CMTR2: variants seen among roughly 807,000 people sequenced by gnomAD.
CMTR2 encodes the protein cap-specific mRNA (nucleoside-2'-O-)-methyltransferase 2.
CMTR2 carries 40 observed loss-of-function variants against 49.8 expected under a neutral mutation model. The observed-to-expected ratio is 0.80, with a 90% CI of 0.62 to 1.04. CMTR2 has a LOEUF of 1.04. Among genes scored for constraint, CMTR2 ranks in the 50% least tolerant of loss-of-function variants. The pLI is 0.00. For missense variants in CMTR2, 907 were observed against 897.2 expected, an observed-to-expected ratio of 1.01 and a Z score of -0.14; for synonymous variants, 326 against 315.8, an observed-to-expected ratio of 1.03 and a Z score of -0.34.
intron 2 of CMTR2, chr16:71,286,887 T>C (rs2041736110): frequency 6.6e-6 from 1 of 152,048 alleles, no homozygotes; most frequent in Admixed American, 6.6e-5. Flanking sequence ...AAATTACAAA[T>C]AGTCACTCTA....
rs754811555 is a variant in CMTR2, at chr16:71,284,154, A to G, written c.1767T>C (p.Arg589=). 4.3e-6 allele frequency: 7 copies of G among 1,613,990 alleles called. No individual in the cohort carries two copies. Among genetic ancestry groups the G allele is most frequent in the South Asian group, 2.2e-5 (2 of 91,074 alleles). Residue 589 remains arginine (R), a synonymous_variant, in exon 3 of 3, where the codon CGT becomes CGC. Transcript: ENST00000434935. ...CCAACGGTATATGCATTTTGATATTACGGAGAGTCGAAAAGCCCACCAGCA... is the reference window on the plus strand; with the variant it reads ...CCAACGGTATATGCATTTTGATATTGCGGAGAGTCGAAAAGCCCACCAGCA... The part of the protein sequence containing the change: ...KCLLVGFSTL[R]NIKMHIPLEV...
At chr16:71,286,445 GT>G (rs59928825) in intron 2 of CMTR2, 5,138 of 78,368 alleles carry the variant, frequency 0.066, 268 homozygotes, top group African/African-American at 0.15. Context: ...GTGACTTTTC[GT>G]TTTTTTTTTT....
chr16:71,284,809 T>C lies in CMTR2; in HGVS notation c.1112A>G (p.Gln371Arg). The C allele has an allele frequency of 8.1e-6, 13 of 1,613,828 alleles. No homozygotes were observed. The highest frequency in any genetic ancestry group is 2.2e-5 in the East Asian group (1 of 44,872). ...EECCVFFHKY[Q>R]LETISENIRL... Reference sequence around the variant, plus strand: ...AATGTTTTCAGAAATAGTCTCTAGCTGATATTTATGAAAGAACACACAACA... The same window carrying C: ...AATGTTTTCAGAAATAGTCTCTAGCCGATATTTATGAAAGAACACACAACA... Residue 371 changes from glutamine (Q) to arginine (R), a missense_variant, in exon 3 of 3, where the codon CAG becomes CGG. By Grantham distance (43) the Gln-to-Arg change is conservative (BLOSUM62 1). Transcript: ENST00000434935.
At chr16:71,286,773 G>A (rs2041734354) in intron 2 of CMTR2, 1 of 151,946 alleles carries the variant, frequency 6.6e-6, no homozygotes, top group Non-Finnish European at 1.5e-5. Context: ...GGTTCAGACA[G>A]CTCCACACTT....
chr16:71,284,589 A>G lies in CMTR2; in HGVS notation c.1332T>C (p.Tyr444=), dbSNP rs139275656. 1.1e-3 allele frequency: 1,771 copies of G among 1,613,680 alleles called. 4 individuals are homozygous for G. The highest frequency in any genetic ancestry group is 1.4e-3 in the Non-Finnish European group (1,614 of 1,179,800). Residue 444 remains tyrosine, a synonymous_variant, in exon 3 of 3, where the codon TAT becomes TAC. Coordinates refer to ENST00000434935, the MANE Select transcript of CMTR2 (RefSeq NM_018348.6). ...FGQRNKYFKT[Y]NERKMLEALS... ...GGGCTTCTAGCATCTTCCTTTCATT[A>G]TAAGTTTTAAAATATTTGTTCCTCT...
In CMTR2 at chr16:71,282,192, A is replaced by C. The variant is rs1443029057; in HGVS notation, c.*1416T>G. 1 of 152,092 alleles carries C rather than the reference A, an allele frequency of 6.6e-6. No homozygotes were observed. The highest frequency in any genetic ancestry group is 1.9e-4 in the East Asian group (1 of 5,200). The allele number at this position is 152,092 out of a possible 1,614,324, so 9.4% of individuals were successfully genotyped here. ...AATTTTAATGAATGCAAATCAGAGA[A>C]AATGAAAGAACATTAACTATCATTC... On this transcript the variant is annotated 3_prime_UTR_variant, in exon 3 of 3. Coordinates refer to ENST00000434935, the MANE Select transcript of CMTR2 (RefSeq NM_018348.6).
chr16:71,283,782 G>A lies in CMTR2; in HGVS notation c.2139C>T (p.Leu713=). 1 of 1,613,982 alleles carries A rather than the reference G, an allele frequency of 6.2e-7. No homozygotes were observed. The highest frequency in any genetic ancestry group is 8.5e-7 in the Non-Finnish European group (1 of 1,179,936). ...QSVNELLSTL[L]NSDSPQQVLQ... is the part of the protein sequence containing the mutation. ...AAACCTGCTGGGGTGAGTCAGAGTT[G>A]AGCAAAGTGCTCAACAATTCATTCA... Residue 713 remains leucine, a synonymous_variant, in exon 3 of 3, where the codon CTC becomes CTT. Transcript: ENST00000434935.
Position 71,284,971 on chromosome 16 carries a change from C to A in CMTR2, c.950G>T (p.Cys317Phe), listed in dbSNP as rs2041691070. ...KAGNSEVYVV[C>F]LHYKGREAIH... is the part of the protein sequence containing the mutation. ...GGCCTCTCTCCCCTTATAGTGGAGG[C>A]AAACCACATAGACTTCGGAGTTTCC... Residue 317 changes from cysteine to phenylalanine, a missense_variant, in exon 3 of 3, where the codon TGC becomes TTC. Physicochemically the swap from Cys to Phe is radical, Grantham distance 205. Coordinates refer to ENST00000434935, the MANE Select transcript of CMTR2 (RefSeq NM_018348.6). 6.2e-7 allele frequency: 1 copy of A among 1,614,068 alleles called. No homozygotes were observed. The highest frequency in any genetic ancestry group is 8.5e-7 in the Non-Finnish European group (1 of 1,179,938).
chr16:71,289,625 G>T (rs1311343096), upstream of CMTR2: 1 of 149,666 alleles, frequency 6.7e-6, no homozygotes. Context: ...AGGGGTGAAA[G>T]GGAGAGGGAC....
Position 71,284,475 on chromosome 16 carries a change from TA to T in CMTR2, c.1445del (p.Leu482Ter). Reference protein sequence around the residue: ...GVYHPGQSSILEGTASNLECH... With the variant: ...GVYHPGQSSIXEGTASNLECH... ...ACTCAAGATTGGAAGCTGTTCCTTC[TA>T]AAATAGAACTCTGCCCAGGATGATA... On this transcript the variant is annotated frameshift_variant, in exon 3 of 3. Transcript: ENST00000434935. LOFTEE classifies it high-confidence loss of function. 6.2e-7 allele frequency: 1 copy of T among 1,614,048 alleles called. No individual in the cohort carries two copies. Among genetic ancestry groups the T allele is most frequent in the Non-Finnish European group, 8.5e-7 (1 of 1,179,960 alleles).
intron 2 of CMTR2, chr16:71,287,202 G>C (rs772513719): frequency 1.3e-5 from 2 of 152,156 alleles, no homozygotes; most frequent in Non-Finnish European, 2.9e-5. Context: ...CAGAAAAGCA[G>C]ATGTTCAAGG....
rs192272791 is a variant in CMTR2, at chr16:71,283,348, C to A, written c.*260G>T. The A allele has an allele frequency of 1.4e-3, 606 of 439,388 alleles. 5 individuals carry two copies. The highest frequency in any genetic ancestry group is 5.6e-3 in the South Asian group (144 of 25,500). The allele number at this position is 439,388 out of a possible 1,614,324, so 27.2% of individuals were successfully genotyped here. A position where few individuals can be genotyped will look rare whatever the true frequency, so the allele number is the denominator to read the frequency against. On this transcript the variant is annotated 3_prime_UTR_variant, in exon 3 of 3. Coordinates refer to ENST00000434935, the MANE Select transcript of CMTR2 (RefSeq NM_018348.6). ...ATAGGTAAGCATGGCTGTGGCCACC[C>A]ATACACATACACACACCTCATATTT...
Position 71,283,515 on chromosome 16 carries a change from AAAAT to A in CMTR2, c.*89_*92del. The stretch of plus-strand genomic sequence containing the variant: ...ATGATGCAAATGTTGGCCTTTCCCC[AAAAT>A]AAAAGGTTTTTAAATTAATAGAGCA... On this transcript the variant is annotated 3_prime_UTR_variant, in exon 3 of 3. Coordinates refer to ENST00000434935, the MANE Select transcript of CMTR2 (RefSeq NM_018348.6). 1 of 1,428,412 alleles carries A rather than the reference AAAAT, an allele frequency of 7.0e-7. No homozygotes were observed. The highest frequency in any genetic ancestry group is 9.3e-7 in the Non-Finnish European group (1 of 1,070,940). The allele number at this position is 1,428,412 out of a possible 1,614,324, so 88.5% of individuals were successfully genotyped here.
chr16:71,287,249 C>T (rs1470248923), intron 2 of CMTR2: 25 of 152,186 alleles, frequency 1.6e-4, no homozygotes, highest in Admixed American at 1.6e-3. Flanking sequence ...TGCTGTAATA[C>T]ATACAATAAT....
chr16:71,285,260 T>A lies in CMTR2; in HGVS notation c.661A>T (p.Asn221Tyr). The A allele has an allele frequency of 6.2e-7, 1 of 1,614,118 alleles. No homozygotes were observed. The highest frequency in any genetic ancestry group is 8.5e-7 in the Non-Finnish European group (1 of 1,179,980). The stretch of plus-strand genomic sequence containing the variant: ...ACAGTAGCCATGCTGCTTATGAAAT[T>A]CTGAAGTCCAGTCAAGAATTTCAGG... ...MTLKFLTGLQ[N>Y]FISSMATVHL... The change falls in exon 3 of 3, where the codon AAT becomes TAT. Residue 221 changes from asparagine to tyrosine, a missense_variant. By Grantham distance (143) the Asn-to-Tyr change is moderately radical. Transcript: ENST00000434935.
At position 71,284,017 on chromosome 16, in the gene CMTR2, C is replaced by T. The variant is rs768685586; in HGVS notation, c.1904G>A (p.Arg635Gln). The stretch of plus-strand genomic sequence containing the variant: ...CATAACATCTCCTGTATGAAGCTCC[C>T]GCAATGAATGTAGAAGGCAGTCCAA... The part of the protein sequence containing the change: ...LFLDCLLHSL[R>Q]ELHTGDVMIL... Residue 635 changes from arginine to glutamine, a missense_variant, in exon 3 of 3, where the codon CGG (arginine) becomes CAG (glutamine). Arg to Gln is a conservative substitution (Grantham distance 43, BLOSUM62 1). Coordinates refer to ENST00000434935, the MANE Select transcript of CMTR2 (RefSeq NM_018348.6). 11 of 1,613,786 alleles carry T rather than the reference C, an allele frequency of 6.8e-6. No individual in the cohort carries two copies. The highest frequency in any genetic ancestry group is 4.4e-5 in the South Asian group (4 of 91,054).
chr16:71,283,664 A>T lies in CMTR2; in HGVS notation c.2257T>A (p.Phe753Ile). 1 of 1,613,684 alleles carries T rather than the reference A, an allele frequency of 6.2e-7. No homozygotes were observed. The highest frequency in any genetic ancestry group is 8.5e-7 in the Non-Finnish European group (1 of 1,179,776). The change falls in exon 3 of 3, where the codon TTC (phenylalanine) becomes ATC (isoleucine). Residue 753 changes from phenylalanine to isoleucine, a missense_variant. Coordinates refer to ENST00000434935, the MANE Select transcript of CMTR2 (RefSeq NM_018348.6). ...TCTTCTCTCTCTCTTTGAATAATGA[A>T]ATGCAAATGCCTTTTAGCAATGGCA... ...NAAIAKRHLH[F>I]IIQREREEII...
Position 71,283,482 on chromosome 16 carries a change from G to C in CMTR2, c.*126C>G, listed in dbSNP as rs905279724. The C allele has an allele frequency of 3.1e-5, 35 of 1,138,690 alleles. No homozygotes were observed. The Middle Eastern group carries it at 2.1e-3, about 68-fold the overall frequency. 70.5% of individuals were successfully genotyped at this position (1,138,690 alleles called of 1,614,324 possible). A position where few individuals can be genotyped will look rare whatever the true frequency, so the allele number is the denominator to read the frequency against. On this transcript the variant is annotated 3_prime_UTR_variant, in exon 3 of 3. Coordinates refer to ENST00000434935, the MANE Select transcript of CMTR2 (RefSeq NM_018348.6). ...ATGGATGGTTTTCCAGAATTAATGA[G>C]ACTTTGAATGATGCAAATGTTGGCC...
Position 71,283,541 on chromosome 16 carries a change from A to G in CMTR2, c.*67T>C. ...AAATAAAAGGTTTTTAAATTAATAGAGCAACAGGATGCAAATACTGGGCAA... is the reference window on the plus strand; with the variant it reads ...AAATAAAAGGTTTTTAAATTAATAGGGCAACAGGATGCAAATACTGGGCAA... On this transcript the variant is annotated 3_prime_UTR_variant, in exon 3 of 3. Coordinates refer to ENST00000434935, the MANE Select transcript of CMTR2 (RefSeq NM_018348.6). 1 of 1,516,892 alleles carries G rather than the reference A, an allele frequency of 6.6e-7. No individual in the cohort carries two copies. The highest frequency in any genetic ancestry group is 2.3e-5 in the East Asian group (1 of 44,212). The allele number at this position is 1,516,892 out of a possible 1,614,324, so 94.0% of individuals were successfully genotyped here.
Sources: allele counts gnomAD v4.1 joint callset, GRCh38; gene constraint gnomAD v4.1.1; transcripts MANE v1.5; gene names NCBI Gene and HGNC (gene_info 2026-07-23, HGNC 2026-07-21).